Variants in ZBTB49 observed in about 807,000 individuals in gnomAD.
The protein encoded by ZBTB49 is zinc finger and BTB domain-containing protein 49.
A neutral mutation model predicts 57.5 loss-of-function variants in ZBTB49; 43 were observed. That is an observed-to-expected ratio of 0.75 (90% confidence interval 0.59 to 0.97). The LOEUF (loss-of-function observed/expected upper bound fraction) is 0.97, where lower values mean the gene tolerates loss of function less well. Among genes scored for constraint, ZBTB49 ranks in the 50% least tolerant of loss-of-function variants. The pLI is 0.00. For missense variants in ZBTB49, 938 were observed against 947.7 expected, an observed-to-expected ratio of 0.99 and a Z score of 0.13; for synonymous variants, 369 against 362.1, an observed-to-expected ratio of 1.02 and a Z score of -0.22.
At chr4:4,320,585 G>A in intron 7 of ZBTB49, 55 bp from the exon 8 acceptor site, 1 of 1,602,270 alleles carries the variant, frequency 6.2e-7, no homozygotes, top group Non-Finnish European at 8.5e-7. Flanking sequence ...GACCAGCCTG[G>A]GCCACATAGT....
At chr4:4,294,630 C>CAA (rs1472048770) in intron 1 of ZBTB49, among the ~76,000 whole-genome samples, 1 of 152,156 alleles carries the variant, frequency 6.6e-6, no homozygotes, top group African/African-American at 2.4e-5. Flanking sequence ...GGTAGAATTA[C>CAA]AAGCATGAGC....
rs760587633 is a variant in ZBTB49 at position 4,302,296 on chromosome 4, C to G, written c.460C>G (p.Pro154Ala). The stretch of plus-strand genomic sequence containing the variant: ...TTGTGTTATCAGTGAAAACTACCCC[C>G]CTCATTTACTGCAGGAATGTTCAGC... ...ATCVISENYP[P>A]HLLQECSADA... The change falls in exon 3 of 8, where the codon CCT becomes GCT. Residue 154 changes from proline to alanine, a missense_variant. Around this residue, in one of 3 missense-constraint regions of ZBTB49, gnomAD observed 835 missense variants for 819.1 expected, o/e 1.02. Coordinates refer to ENST00000337872, the MANE Select transcript of ZBTB49 (RefSeq NM_145291.4). 1.2e-6 allele frequency: 2 copies of G among 1,614,008 alleles called. No homozygotes were observed. Among genetic ancestry groups the G allele is most frequent in the African/African-American group, 1.3e-5 (1 of 74,942 alleles).
At chr4:4,303,794 A>ATG (rs1720620683) in intron 3 of ZBTB49, among the ~76,000 whole-genome samples, 1 of 113,134 alleles carries the variant, frequency 8.8e-6, no homozygotes, top group South Asian at 2.6e-4. Flanking sequence ...CTATATATAT[A>ATG]TCTCCACACA....
intron 1 of ZBTB49, among the ~76,000 whole-genome samples, chr4:4,295,010 A>G (rs1207109812): frequency 1.3e-5 from 2 of 151,928 alleles, no homozygotes; most frequent in Non-Finnish European, 2.9e-5. Context: ...TTGGCACATA[A>G]TAGTTGTATG....
intron 4 of ZBTB49, among the ~76,000 whole-genome samples, chr4:4,311,538 G>A (rs1334387827): frequency 6.6e-6 from 1 of 152,194 alleles, no homozygotes; most frequent in Non-Finnish European, 1.5e-5. Context: ...ACAAGTAGAG[G>A]AGTTTAGATT....
chr4:4,302,816 C>T lies in ZBTB49; in HGVS notation c.980C>T (p.Pro327Leu). 3 of 1,613,956 alleles carry T rather than the reference C, an allele frequency of 1.9e-6. No homozygotes were observed. Among genetic ancestry groups the T allele is most frequent in the Non-Finnish European group, 2.5e-6 (3 of 1,179,916 alleles). ...AAATACGCAGAGCAAGTATCTGAAC[C>T]CAAGTCAGATGATGGTTTGACAAAG... ...SQKYAEQVSE[P>L]KSDDGLTKRL... Residue 327 changes from proline to leucine, a missense_variant, in exon 3 of 8, where the codon CCC becomes CTC. By Grantham distance (98) the Pro-to-Leu change is moderately conservative. Coordinates refer to ENST00000337872, the MANE Select transcript of ZBTB49 (RefSeq NM_145291.4).
At chr4:4,313,208 T>TGAGCCACAGGTGGGCTCACC (rs1721047645) in intron 5 of ZBTB49, 94 bp downstream of exon 5, 1 of 1,466,594 alleles carries the variant, frequency 6.8e-7, no homozygotes, top group South Asian at 1.2e-5. Flanking sequence ...GGCTCACAGA[T>TGAGCCACAGGTGGGCTCACC]GAGCCACAGG....
At chr4:4,290,741 G>C (rs1719855765) in intron 1 of ZBTB49, among the ~76,000 whole-genome samples, 1 of 152,216 alleles carries the variant, frequency 6.6e-6, no homozygotes, top group Non-Finnish European at 1.5e-5. Context: ...TTCCTTCCAC[G>C]CTGTAGTTGA....
chr4:4,310,395 A>T (rs1351847137), intron 4 of ZBTB49, among the ~76,000 whole-genome samples: 1 of 152,210 alleles, frequency 6.6e-6, no homozygotes, highest in African/African-American at 2.4e-5. Flanking sequence ...CATGGATAAT[A>T]CTGCTTTACA....
At chr4:4,305,016 T>C (rs1420282618) in intron 3 of ZBTB49, among the ~76,000 whole-genome samples, 1 of 152,164 alleles carries the variant, frequency 6.6e-6, no homozygotes. Flanking sequence ...CATTTATTAG[T>C]CTTAGTAACT....
chr4:4,312,242 C>G (rs548478467), intron 4 of ZBTB49, among the ~76,000 whole-genome samples: 28 of 151,634 alleles, frequency 1.8e-4, no homozygotes, highest in Non-Finnish European at 3.7e-4. Flanking sequence ...AGACTATTAA[C>G]TTAATTACAG....
rs2108906849 is a variant in ZBTB49 at position 4,321,134 on chromosome 4, G to T, written c.2116G>T (p.Ala706Ser). The change falls in exon 8 of 8, where the codon GCC becomes TCC. Residue 706 changes from alanine to serine, a missense_variant. Ala to Ser is a moderately conservative substitution (Grantham distance 99, BLOSUM62 1). Coordinates refer to ENST00000337872, the MANE Select transcript of ZBTB49 (RefSeq NM_145291.4). Reference sequence around the variant, plus strand: ...CCCAGCCGGTGGCGAACCACTGCAGGCCGATGGCATGGCCATGATCCGTTC... The same window carrying T: ...CCCAGCCGGTGGCGAACCACTGCAGTCCGATGGCATGGCCATGATCCGTTC... ...DTPAGGEPLQ[A>S]DGMAMIRSSL... 4 of 1,614,128 alleles carry T rather than the reference G, an allele frequency of 2.5e-6. No individual in the cohort carries two copies. Among genetic ancestry groups the T allele is most frequent in the Non-Finnish European group, 3.4e-6 (4 of 1,180,030 alleles).
intron 7 of ZBTB49, among the ~76,000 whole-genome samples, chr4:4,316,577 A>G (rs1721205587): frequency 6.6e-6 from 1 of 152,182 alleles, no homozygotes; most frequent in South Asian, 2.1e-4. Context: ...GTGACAAGTA[A>G]TTGAGATGCC....
chr4:4,301,357 T>C (rs1269943548), intron 2 of ZBTB49, among the ~76,000 whole-genome samples: 1 of 152,220 alleles, frequency 6.6e-6, no homozygotes, highest in Non-Finnish European at 1.5e-5. Flanking sequence ...TTTTTCTCAC[T>C]GTTGGTTTTT....
At chr4:4,304,149 C>T (rs1008029984) in intron 3 of ZBTB49, among the ~76,000 whole-genome samples, 7 of 152,024 alleles carry the variant, frequency 4.6e-5, no homozygotes, top group African/African-American at 1.4e-4. Context: ...GGCAATATCA[C>T]AGACTTAGTT....
chr4:4,294,872 C>CGTGTAT (rs1553803052), intron 1 of ZBTB49, among the ~76,000 whole-genome samples: 19,119 of 138,066 alleles, frequency 0.14, 1,522 homozygotes, highest in Admixed American at 0.2. Flanking sequence ...AGGAGGGTTT[C>CGTGTAT]GTGTGTGTGT....
intron 4 of ZBTB49, among the ~76,000 whole-genome samples, chr4:4,308,703 G>A (rs947884488): frequency 5.3e-5 from 8 of 152,218 alleles, no homozygotes; most frequent in Non-Finnish European, 7.3e-5. Flanking sequence ...TGTGTGCCGG[G>A]AAGGGGGACA....
chr4:4,300,095 T>C lies in ZBTB49; in HGVS notation c.150T>C (p.Phe50=). The C allele has an allele frequency of 1.2e-6, 2 of 1,614,082 alleles. No individual in the cohort carries two copies. The highest frequency in any genetic ancestry group is 2.2e-5 in the South Asian group (2 of 91,078). ...KNVLAAFSQY[F]RSLFQNSSSQ... is the part of the protein sequence containing the mutation. ...TCCTGGCAGCATTCAGCCAGTATTTTAGGTGGGTATTTTAGACTTCATTCT... is the reference window on the plus strand; with the variant it reads ...TCCTGGCAGCATTCAGCCAGTATTTCAGGTGGGTATTTTAGACTTCATTCT... The change falls in exon 2 of 8, where the codon TTT becomes TTC. Residue 50 remains phenylalanine (F), a splice_region_variant and synonymous_variant. Coordinates refer to ENST00000337872, the MANE Select transcript of ZBTB49 (RefSeq NM_145291.4).
chr4:4,290,445 G>A (rs34807087), intron 1 of ZBTB49, 93 bp downstream of exon 1: 1 of 152,402 alleles, frequency 6.6e-6, no homozygotes, highest in Non-Finnish European at 1.5e-5. Context: ...AGGTGGCCCA[G>A]AAGGGCATGG....
Sources: allele counts gnomAD v4.1 joint callset (sites outside exome capture counted in the v4.1 genomes callset), GRCh38; gene constraint gnomAD v4.1.1; regional missense constraint gnomAD v4.1.1; transcripts MANE v1.5; gene names NCBI Gene and HGNC (gene_info 2026-07-23, HGNC 2026-07-21).